ME1: variants seen among roughly 807,000 people sequenced by gnomAD.
The protein encoded by ME1 is malic enzyme 1, also known as NADP-dependent malic enzyme.
Under a neutral mutation model 66.4 loss-of-function variants are expected in ME1, and 74 were observed. That is an observed-to-expected ratio of 1.11 (90% CI 0.92 to 1.35). ME1 has a LOEUF of 1.35. ME1 is among the 40% of genes most tolerant of loss of function. ME1 has a pLI of 0.00. For missense variants in ME1, 750 were observed against 694.1 expected, an observed-to-expected ratio of 1.08 and a Z score of -0.90; for synonymous variants, 251 against 235.6, an observed-to-expected ratio of 1.07 and a Z score of -0.60.
At chr6:83,222,867 C>T (rs117917150) in intron 12 of ME1, among the ~76,000 whole-genome samples, 4,097 of 152,220 alleles carry the variant, frequency 0.027, 82 homozygotes, top group Admixed American at 0.055. Context: ...TACAAGATTC[C>T]CCAGTGGGCC....
intron 1 of ME1, among the ~76,000 whole-genome samples, chr6:83,421,853 G>C (rs1234161901): frequency 6.6e-6 from 1 of 152,140 alleles, no homozygotes; most frequent in African/African-American, 2.4e-5. Context: ...AAATTCTAAG[G>C]TAAGGGAATC....
intron 12 of ME1, among the ~76,000 whole-genome samples, chr6:83,218,423 G>A (rs1057362473): frequency 2.6e-5 from 4 of 152,186 alleles, no homozygotes; most frequent in African/African-American, 7.2e-5. Context: ...CCTCCTCAGC[G>A]TGAGCAGTTA....
intron 4 of ME1, among the ~76,000 whole-genome samples, chr6:83,346,724 T>C (rs555857926): frequency 8.7e-4 from 133 of 152,274 alleles, no homozygotes; most frequent in African/African-American, 3.1e-3. Context: ...ACTGAAGAGA[T>C]TGAGGAGGTT....
intron 3 of ME1, among the ~76,000 whole-genome samples, chr6:83,397,526 G>A (rs1157083318): frequency 6.6e-6 from 1 of 152,134 alleles, no homozygotes; most frequent in Non-Finnish European, 1.5e-5. Flanking sequence ...TGTTCAGTGG[G>A]AATGTAAACT....
chr6:83,222,248 T>C (rs767191960), intron 12 of ME1, among the ~76,000 whole-genome samples: 11 of 152,208 alleles, frequency 7.2e-5, no homozygotes, highest in Non-Finnish European at 1.3e-4. Flanking sequence ...TTTTCTGAGT[T>C]AAAGAAAACC....
intron 12 of ME1, among the ~76,000 whole-genome samples, chr6:83,218,690 C>T (rs577632392): frequency 7.9e-5 from 12 of 152,264 alleles, no homozygotes; most frequent in South Asian, 4.1e-4. Context: ...AGTTAATAAT[C>T]GAGTTAATAA....
At chr6:83,271,018 G>T (rs914387089) in intron 6 of ME1, among the ~76,000 whole-genome samples, 2 of 144,978 alleles carry the variant, frequency 1.4e-5, no homozygotes, top group African/African-American at 5.1e-5. Flanking sequence ...GCTAGGTGAA[G>T]GAGTAAAAAA....
At position 83,253,624 on chromosome 6, in the gene ME1, G is replaced by C. The variant is rs1369006571; in HGVS notation, c.814+5C>G. 2 of 1,524,388 alleles carry C rather than the reference G, an allele frequency of 1.3e-6. No individual in the cohort carries two copies. 94.4% of individuals were successfully genotyped at this position (1,524,388 alleles called of 1,614,324 possible). On this transcript the variant is annotated splice_donor_5th_base_variant and intron_variant, in intron 7 of 13. Transcript: ENST00000369705. Reference sequence around the variant, plus strand: ...TTGATCCATATGCAGTGAAAATTTTGTTACCTTGAATATCATCATTGAATG... The same window carrying C: ...TTGATCCATATGCAGTGAAAATTTTCTTACCTTGAATATCATCATTGAATG...
intron 6 of ME1, 71 bp from the exon 7 acceptor site, chr6:83,253,809 GC>G: frequency 1.3e-6 from 1 of 765,412 alleles, no homozygotes; most frequent in Non-Finnish European, 2.2e-6. Context: ...TTTAAAATTA[GC>G]CCATAGAAAT....
intron 3 of ME1, among the ~76,000 whole-genome samples, chr6:83,391,755 C>A (rs1052993293): frequency 6.6e-6 from 1 of 152,104 alleles, no homozygotes; most frequent in Non-Finnish European, 1.5e-5. Flanking sequence ...CTTCTGGTCT[C>A]CAGGCATGTT....
intron 3 of ME1, among the ~76,000 whole-genome samples, chr6:83,361,579 T>C (rs1769007634): frequency 3.3e-5 from 5 of 152,204 alleles, no homozygotes; most frequent in African/African-American, 9.7e-5. Context: ...GTTTGGAGCC[T>C]TTGGCAAGCC....
At chr6:83,261,659 T>G (rs1766890991) in intron 6 of ME1, among the ~76,000 whole-genome samples, 2 of 151,944 alleles carry the variant, frequency 1.3e-5, no homozygotes, top group African/African-American at 4.8e-5. Context: ...AGTGGAAAGA[T>G]CTGAGAAGAA....
intron 6 of ME1, among the ~76,000 whole-genome samples, chr6:83,272,149 T>C (rs1767092373): frequency 6.6e-6 from 1 of 152,192 alleles, no homozygotes; most frequent in Admixed American, 6.5e-5. Context: ...CGTTTTAAAA[T>C]GTGGACATCA....
chr6:83,317,855 G>C (rs1768065637), intron 5 of ME1, among the ~76,000 whole-genome samples: 1 of 152,062 alleles, frequency 6.6e-6, no homozygotes, highest in African/African-American at 2.4e-5. Flanking sequence ...TCAATCCTAA[G>C]CCAAAAGAAC....
At chr6:83,430,803 G>T in intron 1 of ME1, 74 bp downstream of exon 1, 4 of 1,313,852 alleles carry the variant, frequency 3.0e-6, no homozygotes, top group Non-Finnish European at 2.1e-6. Context: ...AGGCCATGGT[G>T]CGGGGACCTG....
chr6:83,398,471 A>G lies in ME1; in HGVS notation c.258T>C (p.Phe86=), dbSNP rs148920604. Residue 86 remains phenylalanine (F), a synonymous_variant, in exon 3 of 14, where the codon TTT becomes TTC. Transcript: ENST00000369705. ...MDLQDRNEKL[F]YRVLTSDIEK... is the part of the protein sequence containing the mutation. ...CAATGTCAGATGTCAGCACTCTATA[A>G]AAGAGTTTTTCATTTCTATCTTGGA... 4.9e-5 allele frequency: 77 copies of G among 1,584,898 alleles called. No individual in the cohort carries two copies. The African/African-American group carries it at 5.5e-4, about 11-fold the overall frequency.
At chr6:83,406,134 T>C (rs1365631743) in intron 2 of ME1, among the ~76,000 whole-genome samples, 1 of 152,258 alleles carries the variant, frequency 6.6e-6, no homozygotes, top group Non-Finnish European at 1.5e-5. Flanking sequence ...ATTACGTTTA[T>C]TGATTTGCAT....
chr6:83,289,834 T>C (rs1767467674), intron 6 of ME1, among the ~76,000 whole-genome samples: 1 of 152,212 alleles, frequency 6.6e-6, no homozygotes, highest in Non-Finnish European at 1.5e-5. Flanking sequence ...TATTCAGAGA[T>C]TCAACTTCTT....
At chr6:83,419,886 T>C (rs535336681) in intron 1 of ME1, among the ~76,000 whole-genome samples, 11 of 152,278 alleles carry the variant, frequency 7.2e-5, no homozygotes, top group Admixed American at 6.5e-4. Flanking sequence ...ATAAAAGACA[T>C]TTCCTGACTC....
Sources: gnomAD v4.1 joint callset for allele counts (sites outside exome capture counted in the v4.1 genomes callset) on GRCh38, gnomAD v4.1.1 for gene constraint, MANE v1.5 for transcripts, NCBI Gene and HGNC (gene_info 2026-07-23, HGNC 2026-07-21) for gene names.